Variants in TAB2 observed in about 807,000 individuals in gnomAD.
TAB2 encodes TGF-beta activated kinase 1 (MAP3K7) binding protein 2, also known as TGF-beta-activated kinase 1 and MAP3K7-binding protein 2.
A neutral mutation model predicts 65.0 loss-of-function variants in TAB2; 3 were observed. The ratio of observed to expected loss-of-function variants is 0.05; its 90% confidence interval spans 0.02 to 0.12. The LOEUF (loss-of-function observed/expected upper bound fraction) is 0.12, where lower values mean the gene tolerates loss of function less well. TAB2 is among the 10% of genes least tolerant of loss of function. TAB2 has a pLI of 1.00. For synonymous variants in TAB2, 298 were observed against 285.1 expected, an observed-to-expected ratio of 1.05 and a Z score of -0.46; for missense variants, 623 against 840.3, an observed-to-expected ratio of 0.74 and a Z score of 3.20.
chr6:149,388,138 A>C (rs1781862135), intron 3 of TAB2, among the ~76,000 whole-genome samples: 1 of 152,194 alleles, frequency 6.6e-6, no homozygotes, highest in Admixed American at 6.5e-5. Context: ...ACTAAGATTT[A>C]TTTCTAGCTC....
chr6:149,313,219 A>G (rs9498320), upstream of TAB2, among the ~76,000 whole-genome samples: 86,221 of 151,818 alleles, frequency 0.57, 25,429 homozygotes, highest in Middle Eastern at 0.74. Flanking sequence ...GCTGGAATGC[A>G]GTGGTGCAAT....
upstream of TAB2, among the ~76,000 whole-genome samples, chr6:149,312,780 G>T (rs1357213732): frequency 6.6e-6 from 1 of 152,190 alleles, no homozygotes; most frequent in Non-Finnish European, 1.5e-5. Context: ...TGTACAACAC[G>T]ATGTCTTGTA....
chr6:149,228,035 T>C (rs1437682104), intron 1 of TAB2, among the ~76,000 whole-genome samples: 2 of 151,890 alleles, frequency 1.3e-5, no homozygotes, highest in East Asian at 3.9e-4. Context: ...TATTATTGAG[T>C]GAAACGTCCC....
chr6:149,378,748 A>C lies in TAB2; in HGVS notation c.833A>C (p.His278Pro). The C allele has an allele frequency of 6.2e-7, 1 of 1,614,106 alleles. No homozygotes were observed. Among genetic ancestry groups the C allele is most frequent in the Non-Finnish European group, 8.5e-7 (1 of 1,180,016 alleles). Residue 278 changes from histidine (H) to proline (P), a missense_variant, in exon 3 of 7, where the codon CAC becomes CCC. This residue lies in a region of TAB2 where 550 missense variants were observed against 665.7 expected (regional missense o/e 0.83). Coordinates refer to ENST00000637181, the MANE Select transcript of TAB2 (RefSeq NM_001292034.3). ...TCTCAACAGCCAAATCAGCAAGGCC[A>C]CCAGACCTCTCATGTCTACATGCCA... ...TSSQQPNQQG[H>P]QTSHVYMPIS...
intron 3 of TAB2, among the ~76,000 whole-genome samples, chr6:149,381,471 G>A (rs1325676149): frequency 6.6e-6 from 1 of 151,790 alleles, no homozygotes; most frequent in Non-Finnish European, 1.5e-5. Context: ...AGTAAAGTAG[G>A]CATTCATATT....
chr6:149,248,708 G>A (rs1583044905), intron 1 of TAB2, among the ~76,000 whole-genome samples: 2 of 152,148 alleles, frequency 1.3e-5, no homozygotes, highest in East Asian at 3.8e-4. Flanking sequence ...GAGAAGTCAG[G>A]AATTTTCTGG....
At chr6:149,369,868 A>G (rs1781161695) in intron 1 of TAB2, 41 bp from the exon 2 acceptor site, 3 of 728,460 alleles carry the variant, frequency 4.1e-6, no homozygotes, top group African/African-American at 1.8e-5. Context: ...TATTCCTTCT[A>G]TAATCAGTTC....
At chr6:149,299,387 C>G (rs889162433) in intron 1 of TAB2, among the ~76,000 whole-genome samples, 2 of 152,144 alleles carry the variant, frequency 1.3e-5, no homozygotes, top group Non-Finnish European at 2.9e-5. Context: ...GCCTGGCCAA[C>G]ATGGTGAAAC....
intron 3 of TAB2, among the ~76,000 whole-genome samples, chr6:149,383,492 G>A: frequency 6.6e-6 from 1 of 152,156 alleles, no homozygotes; most frequent in Non-Finnish European, 1.5e-5. Flanking sequence ...TGTGCACACT[G>A]TTTTGGGATT....
At chr6:149,273,132 G>T (rs1346392294) in intron 1 of TAB2, among the ~76,000 whole-genome samples, 2 of 152,116 alleles carry the variant, frequency 1.3e-5, no homozygotes, top group Admixed American at 6.6e-5. Flanking sequence ...AGAGGCCAGG[G>T]ATGCTGTTAA....
intron 1 of TAB2, among the ~76,000 whole-genome samples, chr6:149,266,291 G>A (rs753524671): frequency 6.6e-6 from 1 of 152,172 alleles, no homozygotes; most frequent in Non-Finnish European, 1.5e-5. Flanking sequence ...GTCTTTGTAC[G>A]TGTGTCTGTG....
intron 1 of TAB2, among the ~76,000 whole-genome samples, chr6:149,219,822 C>A (rs1042078931): frequency 1.3e-5 from 2 of 152,150 alleles, no homozygotes; most frequent in African/African-American, 4.8e-5. Context: ...TCCCAAGAGA[C>A]CCTTACCGTA....
intron 1 of TAB2, chr6:149,257,524 T>C (rs189624385): frequency 3.1e-4 from 47 of 152,104 alleles, no homozygotes; most frequent in African/African-American, 9.6e-4. Context: ...TGAAGTAGGG[T>C]GGCCTGCCAG....
At chr6:149,401,412 G>T (rs1782405167) in intron 6 of TAB2, 1 of 155,200 alleles carries the variant, frequency 6.4e-6, no homozygotes, top group African/African-American at 2.4e-5. Context: ...ATCAAAAGTG[G>T]CTATAATTAT....
chr6:149,342,047 A>T lies in TAB2; in HGVS notation c.-90+24032A>T, dbSNP rs10457846. 9.1e-3 allele frequency among the ~76,000 whole-genome samples: 292 copies of T among 32,076 alleles called. 5 individuals carry two copies. In the East Asian group the frequency reaches 0.12, roughly 13 times the overall value. The allele number at this position is 32,076 out of a possible 152,430, so 21.0% of individuals were successfully genotyped here. ...GTTTTATATGGCCCTAACAAAAATT[A>T]AAAAAAAAAAAATCATTGAATCTAT... is the stretch of plus-strand genomic sequence containing the variant. On this transcript the variant is annotated intron_variant, in intron 1 of 6. Coordinates refer to ENST00000637181, the MANE Select transcript of TAB2 (RefSeq NM_001292034.3).
chr6:149,230,851 G>C (rs1056480182), intron 1 of TAB2, among the ~76,000 whole-genome samples: 1 of 152,242 alleles, frequency 6.6e-6, no homozygotes, highest in Non-Finnish European at 1.5e-5. Context: ...GGAAATTACA[G>C]TAAGTATTTT....
chr6:149,250,711 G>C (rs941891932), intron 1 of TAB2, among the ~76,000 whole-genome samples: 3 of 152,152 alleles, frequency 2.0e-5, no homozygotes, highest in Non-Finnish European at 2.9e-5. Flanking sequence ...GAAGTTTAGG[G>C]GGCAGATGGC....
intron 1 of TAB2, among the ~76,000 whole-genome samples, chr6:149,250,813 C>A (rs1363969850): frequency 3.3e-5 from 5 of 152,148 alleles, no homozygotes; most frequent in African/African-American, 1.2e-4. Context: ...CTTGGTTATT[C>A]TTGGGAACTC....
At chr6:149,367,998 G>A (rs969250162) in intron 1 of TAB2, among the ~76,000 whole-genome samples, 1 of 152,108 alleles carries the variant, frequency 6.6e-6, no homozygotes, top group Non-Finnish European at 1.5e-5. Flanking sequence ...AATTTGCCAA[G>A]CACCAGTATA....
Sources: gnomAD v4.1 joint callset for allele counts (sites outside exome capture counted in the v4.1 genomes callset) on GRCh38, gnomAD v4.1.1 for gene constraint, gnomAD v4.1.1 regional missense constraint, MANE v1.5 for transcripts, NCBI Gene and HGNC (gene_info 2026-07-23, HGNC 2026-07-21) for gene names.